KLF12: variants seen among roughly 807,000 people sequenced by gnomAD.
KLF12 encodes the protein KLF transcription factor 12.
In KLF12, 9 loss-of-function variants were observed where a neutral mutation model predicts 37.8. The observed-to-expected ratio is 0.24, with a 90% CI of 0.14 to 0.42. The LOEUF is 0.42. Among genes scored for constraint, KLF12 ranks in the 10% least tolerant of loss-of-function variants. KLF12 has a pLI of 1.00. For missense variants in KLF12, 411 were observed against 516.0 expected, an observed-to-expected ratio of 0.80 and a Z score of 1.97; for synonymous variants, 208 against 202.1, an observed-to-expected ratio of 1.03 and a Z score of -0.25.
intron 1 of KLF12, among the ~76,000 whole-genome samples, chr13:74,130,751 A>G (rs1878218106): frequency 1.3e-5 from 2 of 152,206 alleles, no homozygotes; most frequent in South Asian, 4.1e-4. Context: ...TCAGCATGCA[A>G]GTGGCAAGCA....
At chr13:74,116,694 G>T (rs1197160394) in intron 1 of KLF12, among the ~76,000 whole-genome samples, 1 of 152,164 alleles carries the variant, frequency 6.6e-6, no homozygotes, top group Non-Finnish European at 1.5e-5. Context: ...AACTAGGATA[G>T]AAATTTCAAA....
Position 73,813,213 on chromosome 13 carries a change from T to A in KLF12, c.745A>T (p.Thr249Ser). 1.1e-5 allele frequency: 17 copies of A among 1,613,986 alleles called. No individual in the cohort carries two copies. The highest frequency in any genetic ancestry group is 1.4e-5 in the Non-Finnish European group (17 of 1,179,932). ...CCAGTTTCATTAACGCTATCTAAGGTCACATTTGGCAGGTCATCATCATCA... is the reference window on the plus strand; with the variant it reads ...CCAGTTTCATTAACGCTATCTAAGGACACATTTGGCAGGTCATCATCATCA... Residue 249 changes from threonine to serine, a missense_variant, in exon 5 of 8, where the codon ACC (threonine) becomes TCC (serine). By Grantham distance (58) the Thr-to-Ser change is moderately conservative. Transcript: ENST00000377669.
intron 6 of KLF12, among the ~76,000 whole-genome samples, chr13:73,748,620 C>A (rs1222414449): frequency 1.3e-5 from 2 of 152,164 alleles, no homozygotes; most frequent in African/African-American, 4.8e-5. Context: ...GTTGGACTTC[C>A]CAGCCTCCAG....
At chr13:74,185,103 A>T in the KLF12 span, among the ~76,000 whole-genome samples, 10 of 152,298 alleles carry the variant, frequency 6.6e-5, no homozygotes, top group South Asian at 1.9e-3. Flanking sequence ...GTTTATCTTT[A>T]CCTATTCTAG....
chr13:74,251,981 G>A, the KLF12 span, among the ~76,000 whole-genome samples: 4 of 152,090 alleles, frequency 2.6e-5, no homozygotes, highest in East Asian at 1.9e-4. Flanking sequence ...GGCCAAGAAC[G>A]CAGATGGCAG....
intron 1 of KLF12, among the ~76,000 whole-genome samples, chr13:74,041,001 C>A (rs963844413): frequency 2.0e-5 from 3 of 152,108 alleles, no homozygotes; most frequent in African/African-American, 4.8e-5. Flanking sequence ...TTTGCATTGC[C>A]GCAACAGTTG....
chr13:74,057,141 CTTTT>C (rs1244185936), intron 1 of KLF12, among the ~76,000 whole-genome samples: 4 of 152,178 alleles, frequency 2.6e-5, no homozygotes, highest in Admixed American at 6.5e-5. Context: ...CGATTTCAGG[CTTTT>C]TTGTTTCTGA....
the KLF12 span, among the ~76,000 whole-genome samples, chr13:74,211,259 T>C: frequency 6.6e-6 from 1 of 152,166 alleles, no homozygotes; most frequent in Non-Finnish European, 1.5e-5. Context: ...GTTTGTTGTT[T>C]GGGTTTTCAG....
the KLF12 span, among the ~76,000 whole-genome samples, chr13:74,302,416 A>G: frequency 6.6e-6 from 1 of 152,166 alleles, no homozygotes; most frequent in African/African-American, 2.4e-5. Flanking sequence ...TCTCCTCCAT[A>G]TGTAGATACT....
chr13:73,700,702 T>A (rs886623991), intron 7 of KLF12, among the ~76,000 whole-genome samples: 2 of 152,060 alleles, frequency 1.3e-5, no homozygotes, highest in African/African-American at 2.4e-5. Flanking sequence ...AGACCTGTTT[T>A]CATTATATAC....
the KLF12 span, among the ~76,000 whole-genome samples, chr13:74,171,456 C>T: frequency 6.6e-6 from 1 of 152,116 alleles, no homozygotes; most frequent in African/African-American, 2.4e-5. Context: ...AAACACATTC[C>T]CTCCCATCTC....
chr13:74,103,981 G>A (rs1476499069), intron 1 of KLF12, among the ~76,000 whole-genome samples: 1 of 152,156 alleles, frequency 6.6e-6, no homozygotes, highest in Non-Finnish European at 1.5e-5. Context: ...ATACTAGAAA[G>A]ATAAGAATAA....
intron 7 of KLF12, among the ~76,000 whole-genome samples, chr13:73,696,141 G>T (rs750304985): frequency 6.7e-6 from 1 of 149,830 alleles, no homozygotes; most frequent in Non-Finnish European, 1.5e-5. Flanking sequence ...CAATGTCCAA[G>T]AATATACACA....
intron 1 of KLF12, among the ~76,000 whole-genome samples, chr13:74,019,616 T>C (rs927588073): frequency 2.0e-4 from 30 of 152,258 alleles, no homozygotes; most frequent in African/African-American, 6.8e-4. Flanking sequence ...ATGTTACATC[T>C]CTTGTAATTA....
chr13:73,712,948 TTGTGA>T (rs1292387302), intron 7 of KLF12, among the ~76,000 whole-genome samples: 1 of 152,246 alleles, frequency 6.6e-6, no homozygotes, highest in African/African-American at 2.4e-5. Flanking sequence ...ACTTCCTTTC[TTGTGA>T]TATTTACTTT....
chr13:73,963,091 A>G (rs1891067821), intron 2 of KLF12, among the ~76,000 whole-genome samples: 1 of 152,198 alleles, frequency 6.6e-6, no homozygotes, highest in African/African-American at 2.4e-5. Context: ...ATCATTCTGC[A>G]TTTAATCATT....
chr13:73,885,836 G>A (rs1284799539), intron 3 of KLF12, among the ~76,000 whole-genome samples: 2 of 152,226 alleles, frequency 1.3e-5, no homozygotes, highest in Non-Finnish European at 2.9e-5. Flanking sequence ...GACAATTTGT[G>A]AAGTCTGAGC....
intron 7 of KLF12, among the ~76,000 whole-genome samples, chr13:73,698,473 T>C (rs1593970990): frequency 6.6e-6 from 1 of 152,334 alleles, no homozygotes; most frequent in East Asian, 1.9e-4. Flanking sequence ...ATACCAGTCA[T>C]ACTTTCATTT....
chr13:74,122,569 A>G (rs1020640611), intron 1 of KLF12, among the ~76,000 whole-genome samples: 6 of 152,120 alleles, frequency 3.9e-5, no homozygotes, highest in African/African-American at 1.4e-4. Context: ...GGTCTCTCAG[A>G]AGATACCCAT....
Sources: allele counts gnomAD v4.1 joint callset (sites outside exome capture counted in the v4.1 genomes callset), GRCh38; gene constraint gnomAD v4.1.1; transcripts MANE v1.5; gene names NCBI Gene and HGNC (gene_info 2026-07-23, HGNC 2026-07-21).